The following AUTS2 variants were observed in gnomAD, a reference collection of about 807,000 sequenced individuals.
AUTS2 encodes autism susceptibility gene 2 protein.
AUTS2 carries 17 observed loss-of-function variants against 112.4 expected under a neutral mutation model. That is an observed-to-expected ratio of 0.15 (90% CI 0.10 to 0.23). The LOEUF is 0.23. AUTS2 is among the 10% of genes least tolerant of loss of function. The pLI is 1.00. For synonymous variants in AUTS2, 751 were observed against 702.7 expected (o/e 1.07, Z -1.09); for missense variants, 1,510 against 1,701.6 (o/e 0.89, Z 1.98).
chr7:69,813,005 C>A (rs1456049350), intron 1 of AUTS2, among the ~76,000 whole-genome samples: 2 of 152,150 alleles, frequency 1.3e-5, no homozygotes, highest in East Asian at 3.9e-4. Context: ...CAAAATCCTC[C>A]AGAGTGCCTC....
Position 70,290,380 on chromosome 7 carries a change from A to G in AUTS2, c.661-145372A>G, listed in dbSNP as rs746610460. 2.0e-6 allele frequency: 3 copies of G among 1,504,254 alleles called. No individual in the cohort carries two copies. The South Asian group carries it at 4.1e-5, about 20-fold the overall frequency. 93.2% of individuals were successfully genotyped at this position (1,504,254 alleles called of 1,614,324 possible). ...GTTTCCATTTCAGAGATCAGGGAAGATGTGCCTTGGAGAGGAAGCATGTCT... is the reference window on the plus strand; with the variant it reads ...GTTTCCATTTCAGAGATCAGGGAAGGTGTGCCTTGGAGAGGAAGCATGTCT... On this transcript the variant is annotated intron_variant, in intron 4 of 18. Transcript: ENST00000342771.
At chr7:70,017,962 C>T (rs1800105792) in intron 2 of AUTS2, among the ~76,000 whole-genome samples, 1 of 151,690 alleles carries the variant, frequency 6.6e-6, no homozygotes, top group Admixed American at 6.6e-5. Context: ...TTAATTGACT[C>T]TTCAGAACTA....
chr7:70,787,059 A>C (rs1202886725), intron 17 of AUTS2, 150 bp from the exon 18 acceptor site: 2 of 803,468 alleles, frequency 2.5e-6, no homozygotes, highest in Non-Finnish European at 2.1e-6. Flanking sequence ...CCTCTAATGA[A>C]TTTGTTAATC....
intron 10 of AUTS2, among the ~76,000 whole-genome samples, chr7:70,770,716 C>T (rs1790283467): frequency 6.6e-6 from 1 of 152,154 alleles, no homozygotes; most frequent in Non-Finnish European, 1.5e-5. Context: ...GCTTGAGTAT[C>T]CTCCAAAGAG....
chr7:70,012,190 T>A (rs1347526253), intron 2 of AUTS2, among the ~76,000 whole-genome samples: 1 of 152,136 alleles, frequency 6.6e-6, no homozygotes, highest in African/African-American at 2.4e-5. Flanking sequence ...GTAGGCACAT[T>A]TGCTAACCTC....
chr7:70,747,631 GTTTTGTTTTTGTTTTTGT>G (rs530024962), intron 6 of AUTS2, among the ~76,000 whole-genome samples: 3 of 151,692 alleles, frequency 2.0e-5, no homozygotes, highest in African/African-American at 4.9e-5. Context: ...GCTATGTTTT[GTTTTGTTTTTGTTTTTGT>G]TTTTGTTTTT....
chr7:70,180,795 A>G (rs1809256825), intron 4 of AUTS2, among the ~76,000 whole-genome samples: 1 of 152,122 alleles, frequency 6.6e-6, no homozygotes, highest in South Asian at 2.1e-4. Flanking sequence ...TTCTCAGTCT[A>G]CTTTAGTGGT....
chr7:69,963,396 C>T (rs1797507774), intron 2 of AUTS2, among the ~76,000 whole-genome samples: 2 of 152,090 alleles, frequency 1.3e-5, no homozygotes, highest in Admixed American at 6.6e-5. Context: ...TCCAAGGAAC[C>T]GGGTAGACTT....
intron 5 of AUTS2, among the ~76,000 whole-genome samples, chr7:70,439,503 C>A (rs749127115): frequency 6.9e-6 from 1 of 144,236 alleles, no homozygotes; most frequent in Middle Eastern, 3.6e-3. Flanking sequence ...CGCACCATTG[C>A]ACTCCAGCCT....
chr7:70,033,896 A>T (rs952336033), intron 2 of AUTS2, among the ~76,000 whole-genome samples: 1 of 152,142 alleles, frequency 6.6e-6, no homozygotes, highest in Non-Finnish European at 1.5e-5. Flanking sequence ...GTTGGTCTGT[A>T]GCATATTAGG....
chr7:70,486,741 A>G (rs1460455080), intron 5 of AUTS2, among the ~76,000 whole-genome samples: 1 of 152,160 alleles, frequency 6.6e-6, no homozygotes, highest in East Asian at 1.9e-4. Context: ...CCTGTGTGAC[A>G]GAGTGAGATT....
intron 2 of AUTS2, among the ~76,000 whole-genome samples, chr7:70,066,874 C>A (rs1239290170): frequency 6.6e-6 from 1 of 152,184 alleles, no homozygotes; most frequent in Admixed American, 6.5e-5. Context: ...TAAAGTTACT[C>A]ATTTTTACTT....
chr7:69,755,018 A>G (rs535488947), intron 1 of AUTS2, among the ~76,000 whole-genome samples: 2 of 152,282 alleles, frequency 1.3e-5, no homozygotes, highest in African/African-American at 4.8e-5. Context: ...GATCTCTTTC[A>G]ACATTCCCAT....
At chr7:70,421,245 TA>T (rs1357654957) in intron 4 of AUTS2, among the ~76,000 whole-genome samples, 3 of 152,150 alleles carry the variant, frequency 2.0e-5, no homozygotes, top group African/African-American at 7.2e-5. Flanking sequence ...CAAAAAAAGG[TA>T]TTTAGAAAAT....
chr7:69,942,791 C>G (rs1053554363), intron 2 of AUTS2, among the ~76,000 whole-genome samples: 4 of 152,194 alleles, frequency 2.6e-5, no homozygotes, highest in African/African-American at 7.2e-5. Context: ...AAAACTGTTA[C>G]GTGACTTGTG....
At chr7:69,875,524 G>C (rs762040561) in intron 1 of AUTS2, among the ~76,000 whole-genome samples, 1 of 152,144 alleles carries the variant, frequency 6.6e-6, no homozygotes, top group African/African-American at 2.4e-5. Flanking sequence ...GGACTTAAAA[G>C]ATTTATGCCC....
intron 4 of AUTS2, among the ~76,000 whole-genome samples, chr7:70,284,401 T>C (rs1441598283): frequency 6.6e-6 from 1 of 152,206 alleles, no homozygotes; most frequent in Non-Finnish European, 1.5e-5. Flanking sequence ...TCTGGATTGC[T>C]GGATCAAAGG....
At chr7:69,882,697 G>A (rs938984099) in intron 1 of AUTS2, among the ~76,000 whole-genome samples, 1 of 151,962 alleles carries the variant, frequency 6.6e-6, no homozygotes, top group African/African-American at 2.4e-5. Flanking sequence ...GATATTATTC[G>A]CTCCATTTTA....
intron 2 of AUTS2, among the ~76,000 whole-genome samples, chr7:70,073,107 T>C (rs1412641342): frequency 7.1e-6 from 1 of 139,894 alleles, no homozygotes; most frequent in Non-Finnish European, 1.5e-5. Flanking sequence ...CTTTTTTTTT[T>C]CTGTAGTCTT....
Sources: allele counts gnomAD v4.1 joint callset (sites outside exome capture counted in the v4.1 genomes callset), GRCh38; gene constraint gnomAD v4.1.1; transcripts MANE v1.5; gene names NCBI Gene and HGNC (gene_info 2026-07-23, HGNC 2026-07-21).